The following NAV1 variants were observed in gnomAD, a reference collection of about 807,000 sequenced individuals.
The protein encoded by NAV1 is neuron navigator 1, also known as pore membrane and/or filament interacting like protein 3.
In NAV1, 18 loss-of-function variants were observed where a neutral mutation model predicts 175.2. That is an observed-to-expected ratio of 0.10 (90% confidence interval 0.07 to 0.15). The LOEUF is 0.15. NAV1 is among the 10% of genes least tolerant of loss of function. NAV1 has a pLI of 1.00. For missense variants in NAV1, 1,731 were observed against 2,436.6 expected (o/e 0.71, Z 6.10); for synonymous variants, 897 against 978.7 (o/e 0.92, Z 1.56).
Position 201,683,839 on chromosome 1 carries a change from G to C in NAV1, c.758-28978G>C, listed in dbSNP as rs1172944235. Reference sequence around the variant, plus strand: ...GTGTACTCTTCAGAAGGAAGTCACTGTGTGCAGCCACGTTCAAGGAGGGCT... The same window carrying C: ...GTGTACTCTTCAGAAGGAAGTCACTCTGTGCAGCCACGTTCAAGGAGGGCT... On this transcript the variant is annotated intron_variant, in intron 1 of 29. Coordinates refer to ENST00000367296, the Ensembl canonical transcript of NAV1. Among the ~76,000 whole-genome samples the C allele has an allele frequency of 3.1e-5, 4 of 129,906 alleles. No individual in the cohort carries two copies. In the Admixed American group the frequency reaches 3.6e-4, roughly 12 times the overall value. 85.2% of individuals were successfully genotyped at this position (129,906 alleles called of 152,430 possible).
In NAV1 at chr1:201,712,797, CTT is replaced by C. The variant is rs1558089141; in HGVS notation, c.758-19_758-18del. On this transcript the variant is annotated intron_variant, in intron 1 of 29. Coordinates refer to ENST00000367296, the Ensembl canonical transcript of NAV1. Reference sequence around the variant, plus strand: ...TTAAGTTCTCTTCACTCACCCAGCTCTTCCTTCTCTCCCTACCAGACCCAGAG... The same window carrying C: ...TTAAGTTCTCTTCACTCACCCAGCTCCCTTCTCTCCCTACCAGACCCAGAG... The C allele has an allele frequency of 6.4e-7, 1 of 1,569,364 alleles. No individual in the cohort carries two copies. The highest frequency in any genetic ancestry group is 1.1e-5 in the South Asian group (1 of 90,158).
At position 201,802,472 on chromosome 1, in the gene NAV1, A is replaced by AAG. The variant is rs1553278340; in HGVS notation, c.3518-1120_3518-1119insGA. On this transcript the variant is annotated intron_variant, in intron 15 of 29. Coordinates refer to ENST00000367296, the Ensembl canonical transcript of NAV1. ...CCTGTCTCATTAAAAAAAAAAAAAAAAAAAGAAAGAAAGAAAAGAAAAAGG... is the reference window on the plus strand; with the variant it reads ...CCTGTCTCATTAAAAAAAAAAAAAAAAGAAAAGAAAGAAAGAAAAGAAAAAGG... Among the ~76,000 whole-genome samples, 9 of 128,534 alleles carry AAG rather than the reference A, an allele frequency of 7.0e-5. No homozygotes were observed. In the South Asian group the frequency reaches 1.8e-3, roughly 26 times the overall value. The allele number at this position is 128,534 out of a possible 152,430, so 84.3% of individuals were successfully genotyped here. A position where few individuals can be genotyped will look rare whatever the true frequency, so the allele number is the denominator to read the frequency against.
At chr1:201,642,110 C>T (rs1668777328) in intron 2 of NAV1, among the ~76,000 whole-genome samples, 1 of 144,556 alleles carries the variant, frequency 6.9e-6, no homozygotes, top group Non-Finnish European at 1.5e-5. Flanking sequence ...CTTCCTCTTT[C>T]TTTCTTCCCT....
intron 2 of NAV1, among the ~76,000 whole-genome samples, chr1:201,610,947 GC>G (rs761273863): frequency 6.6e-6 from 1 of 152,102 alleles, no homozygotes; most frequent in African/African-American, 2.4e-5. Flanking sequence ...AGAGCCCTGG[GC>G]CCTGGGGGTG....
At chr1:201,555,465 G>A (rs1233852493) in intron 1 of NAV1, among the ~76,000 whole-genome samples, 1 of 152,154 alleles carries the variant, frequency 6.6e-6, no homozygotes, top group East Asian at 1.9e-4. Context: ...GAGGTTTTGA[G>A]TCTGGGGGCC....
chr1:201,658,446 G>A (rs1669488792), intron 1 of NAV1, among the ~76,000 whole-genome samples: 1 of 152,106 alleles, frequency 6.6e-6, no homozygotes, highest in Non-Finnish European at 1.5e-5. Context: ...TTGATAGAAG[G>A]GTGAGATTCT....
At chr1:201,703,784 C>A (rs1399804784) in intron 1 of NAV1, among the ~76,000 whole-genome samples, 1 of 152,200 alleles carries the variant, frequency 6.6e-6, no homozygotes, top group Non-Finnish European at 1.5e-5. Context: ...CCTGTGGTCA[C>A]TGCCTGCCCT....
chr1:201,662,587 T>G (rs1346240822), intron 1 of NAV1, among the ~76,000 whole-genome samples: 2 of 152,188 alleles, frequency 1.3e-5, no homozygotes, highest in Non-Finnish European at 2.9e-5. Flanking sequence ...TTGCACTTAC[T>G]CCTCATCTGT....
At chr1:201,730,934 T>A (rs1393521006) in intron 3 of NAV1, among the ~76,000 whole-genome samples, 2 of 152,182 alleles carry the variant, frequency 1.3e-5, no homozygotes, top group African/African-American at 4.8e-5. Context: ...ACGGAAGTGT[T>A]CAGGGTTGGG....
intron 2 of NAV1, among the ~76,000 whole-genome samples, chr1:201,633,697 G>C (rs1393593544): frequency 6.6e-6 from 1 of 152,250 alleles, no homozygotes; most frequent in African/African-American, 2.4e-5. Flanking sequence ...ACACTGCTGT[G>C]TTCTTTGCCC....
At chr1:201,707,687 A>G (rs1023847675) in intron 1 of NAV1, among the ~76,000 whole-genome samples, 1 of 152,106 alleles carries the variant, frequency 6.6e-6, no homozygotes, top group African/African-American at 2.4e-5. Context: ...CCCTTTTTAC[A>G]TCATCCTCAC....
chr1:201,678,204 G>A (rs1005606024), intron 1 of NAV1, among the ~76,000 whole-genome samples: 1 of 152,202 alleles, frequency 6.6e-6, no homozygotes, highest in African/African-American at 2.4e-5. Flanking sequence ...GCTACGTTAT[G>A]AACTGACTTG....
intron 9 of NAV1, 143 bp downstream of exon 13, chr1:201,786,720 A>G: frequency 3.7e-6 from 3 of 804,442 alleles, no homozygotes; most frequent in Non-Finnish European, 3.8e-6. Flanking sequence ...CAGTTTATCC[A>G]CCCAAAGTAA....
chr1:201,808,836 T>A lies in NAV1; in HGVS notation c.4172T>A (p.Leu1391His). 1 of 1,613,424 alleles carries A rather than the reference T, an allele frequency of 6.2e-7. No homozygotes were observed. Among genetic ancestry groups the A allele is most frequent in the Non-Finnish European group, 8.5e-7 (1 of 1,179,682 alleles). The change falls in exon 20 of 30, where the codon CTC becomes CAC. Residue 1391 changes from leucine (L) to histidine (H), a missense_variant. Coordinates refer to ENST00000367296, the Ensembl canonical transcript of NAV1. This position sits in a 1 kb window ranked among gnomAD's most constrained non-coding sequence, Gnocchi z 5.5. ...CCACGCCGCTCCCTAGGCCTGGCAC[T>A]CACCCATTCCTTCGGCCCCAGTCTT...
chr1:201,552,941 G>A (rs1156771036), intron 1 of NAV1, among the ~76,000 whole-genome samples: 1 of 152,192 alleles, frequency 6.6e-6, no homozygotes, highest in Non-Finnish European at 1.5e-5. Flanking sequence ...CTGGCTCTAA[G>A]ATATATGGTC....
chr1:201,810,499 A>C lies in NAV1; in HGVS notation c.4562-24A>C, dbSNP rs1558191878. ...ATCCTCAAGACCCTGGTCAATACTC[A>C]TGCTTTCTGGGGTGGGGGTTCAGGT... On this transcript the variant is annotated intron_variant, in intron 23 of 29. Coordinates refer to ENST00000367296, the Ensembl canonical transcript of NAV1. The surrounding 1 kb of genome is among the most constrained non-coding windows in gnomAD (Gnocchi z 6.0). 1.3e-6 allele frequency: 2 copies of C among 1,588,860 alleles called. No homozygotes were observed. The highest frequency in any genetic ancestry group is 2.7e-5 in the African/African-American group (2 of 74,274).
intron 1 of NAV1, among the ~76,000 whole-genome samples, chr1:201,554,166 C>G (rs1665946439): frequency 6.6e-6 from 1 of 152,160 alleles, no homozygotes; most frequent in African/African-American, 2.4e-5. Flanking sequence ...CCCCATAAGA[C>G]AGAATGTTAT....
chr1:201,570,658 C>T (rs1267345244), intron 1 of NAV1, among the ~76,000 whole-genome samples: 1 of 152,248 alleles, frequency 6.6e-6, no homozygotes, highest in East Asian at 1.9e-4. Flanking sequence ...TGGCTGAGGG[C>T]TACGACCAGG....
In NAV1 at chr1:201,732,555, G is replaced by A. The variant is rs143291117; in HGVS notation, c.1226+13800G>A. On this transcript the variant is annotated intron_variant, in intron 3 of 29. Transcript: ENST00000367296. ...GGGAAGTAGAGTAGCAAAGTAGATG[G>A]AACATTCTAGAGCCCAACTGGTCTG... Among the ~76,000 whole-genome samples the A allele has an allele frequency of 5.7e-3, 867 of 152,230 alleles. 7 individuals carry two copies. The highest frequency in any genetic ancestry group is 0.037 in the Middle Eastern group (11 of 294).
Sources: allele counts gnomAD v4.1 joint callset (sites outside exome capture counted in the v4.1 genomes callset), GRCh38; gene constraint gnomAD v4.1.1; non-coding constraint Gnocchi (gnomAD v3.1); transcripts MANE v1.5; gene names NCBI Gene and HGNC (gene_info 2026-07-23, HGNC 2026-07-21).